TEX26: variants seen among roughly 807,000 people sequenced by gnomAD.
TEX26 encodes testis expressed 26.
In TEX26, 34 loss-of-function variants were observed where a neutral mutation model predicts 35.3. The observed-to-expected ratio is 0.96, with a 90% CI of 0.73 to 1.28. The LOEUF is 1.28. Among genes scored for constraint, TEX26 ranks in the 50% most tolerant of loss-of-function variants. The pLI, the probability that TEX26 is intolerant of heterozygous loss-of-function variation, is 0.00. For synonymous variants in TEX26, 136 were observed against 111.8 expected, an observed-to-expected ratio of 1.22 and a Z score of -1.36; for missense variants, 371 against 330.1, an observed-to-expected ratio of 1.12 and a Z score of -0.96.
At chr13:30,934,676 G>C (rs1158877411) in intron 1 of TEX26, among the ~76,000 whole-genome samples, 6 of 152,160 alleles carry the variant, frequency 3.9e-5, no homozygotes, top group Non-Finnish European at 2.9e-5. Flanking sequence ...AGCACAGCTG[G>C]GGCTGCAACA....
intron 5 of TEX26, among the ~76,000 whole-genome samples, chr13:30,967,875 C>A (rs1335467309): frequency 6.6e-6 from 1 of 152,308 alleles, no homozygotes; most frequent in Non-Finnish European, 1.5e-5. Context: ...GGACAATGAG[C>A]GATGACTGTA....
intron 4 of TEX26, among the ~76,000 whole-genome samples, chr13:30,963,304 G>A (rs7321407): frequency 1.3e-5 from 2 of 151,968 alleles, no homozygotes; most frequent in African/African-American, 4.8e-5. Flanking sequence ...AGGAACCCTG[G>A]GGGGAGGCGT....
intron 2 of TEX26, among the ~76,000 whole-genome samples, chr13:30,943,938 G>A (rs1045902978): frequency 6.6e-6 from 1 of 151,860 alleles, no homozygotes; most frequent in Admixed American, 6.6e-5. Flanking sequence ...CAGTATTCCT[G>A]GTTTTGGGTA....
chr13:30,974,131 AATATAT>A (rs1555271791), intron 6 of TEX26, among the ~76,000 whole-genome samples: 1 of 84,418 alleles, frequency 1.2e-5, no homozygotes, highest in South Asian at 4.8e-4. Context: ...AAAAAAAAAA[AATATAT>A]ATATATATAT....
At chr13:30,966,644 G>T (rs774882645) in intron 5 of TEX26, among the ~76,000 whole-genome samples, 2 of 151,966 alleles carry the variant, frequency 1.3e-5, no homozygotes, top group Non-Finnish European at 2.9e-5. Context: ...TTGCCATGTT[G>T]GCCAGGCTGG....
chr13:30,941,264 A>G (rs1459638142), intron 2 of TEX26, among the ~76,000 whole-genome samples: 2 of 152,212 alleles, frequency 1.3e-5, no homozygotes, highest in Non-Finnish European at 2.9e-5. Context: ...GTACAAGGCT[A>G]CAAGATTCCA....
At chr13:30,964,668 T>C (rs957622444) in intron 4 of TEX26, among the ~76,000 whole-genome samples, 1 of 152,122 alleles carries the variant, frequency 6.6e-6, no homozygotes, top group African/African-American at 2.4e-5. Flanking sequence ...TATGATGAAA[T>C]AAATTTATTT....
At chr13:30,955,956 G>A (rs572461156) in intron 3 of TEX26, among the ~76,000 whole-genome samples, 2 of 152,024 alleles carry the variant, frequency 1.3e-5, no homozygotes, top group Non-Finnish European at 2.9e-5. Context: ...TGGGAAAGAG[G>A]GACGATGGCA....
intron 1 of TEX26, among the ~76,000 whole-genome samples, chr13:30,938,267 A>G (rs2872194): frequency 0.36 from 55,049 of 152,012 alleles, 10,109 homozygotes; most frequent in East Asian, 0.45. Context: ...GACAATGGGA[A>G]GTTGGGGCAA....
Position 30,968,927 on chromosome 13 carries a change from C to T in TEX26, c.689C>T (p.Thr230Ile), listed in dbSNP as rs1239303366. Residue 230 changes from threonine to isoleucine, a missense_variant, in exon 6 of 7, where the codon ACA becomes ATA. Coordinates refer to ENST00000380473, the MANE Select transcript of TEX26 (RefSeq NM_152325.3). ...LHSYLRNQEHTKKQTTYQSDY... is the reference protein window; with the variant it reads ...LHSYLRNQEHIKKQTTYQSDY... ...AGCTACCTGAGGAACCAAGAGCACA[C>T]AAAGAAACAGACCACATACCAAAGT... 1 of 1,614,082 alleles carries T rather than the reference C, an allele frequency of 6.2e-7. No individual in the cohort carries two copies. Among genetic ancestry groups the T allele is most frequent in the South Asian group, 1.1e-5 (1 of 91,068 alleles).
intron 3 of TEX26, among the ~76,000 whole-genome samples, chr13:30,955,209 T>C (rs1954082391): frequency 6.6e-6 from 1 of 152,210 alleles, no homozygotes; most frequent in East Asian, 1.9e-4. Flanking sequence ...CTCATAATGT[T>C]TTAAATAAGT....
chr13:30,932,855 G>C, intron 1 of TEX26, 79 bp downstream of exon 1: 1 of 1,499,948 alleles, frequency 6.7e-7, no homozygotes, highest in South Asian at 1.2e-5. Context: ...AGAAAAAGGG[G>C]CCTTAGTATT....
chr13:30,954,850 A>G (rs1954067283), intron 3 of TEX26, among the ~76,000 whole-genome samples: 1 of 152,216 alleles, frequency 6.6e-6, no homozygotes, highest in African/African-American at 2.4e-5. Flanking sequence ...ATTCACAAAC[A>G]CACGACCATA....
intron 1 of TEX26, 199 bp downstream of exon 1, chr13:30,932,975 C>T (rs1273297414): frequency 1.7e-5 from 9 of 526,438 alleles, no homozygotes; most frequent in Non-Finnish European, 2.9e-5. Flanking sequence ...CTTCGCATAA[C>T]CTTTGCCAAA....
chr13:30,952,692 A>G lies in TEX26; in HGVS notation c.179A>G (p.Tyr60Cys). Residue 60 changes from tyrosine (Y) to cysteine (C), a missense_variant, in exon 3 of 7, where the codon TAT (tyrosine) becomes TGT (cysteine). Tyr to Cys is a radical substitution (Grantham distance 194, BLOSUM62 -2). Coordinates refer to ENST00000380473, the MANE Select transcript of TEX26 (RefSeq NM_152325.3). Reference sequence around the variant, plus strand: ...GGTATCAGAAGATTAGGATATACATATTCACTTAGTGATCCTATTCTCAAT... The same window carrying G: ...GGTATCAGAAGATTAGGATATACATGTTCACTTAGTGATCCTATTCTCAAT... ...QNGIRRLGYTYSLSDPILNQT... is the reference protein window; with the variant it reads ...QNGIRRLGYTCSLSDPILNQT... 6.2e-7 allele frequency: 1 copy of G among 1,608,000 alleles called. No homozygotes were observed. Among genetic ancestry groups the G allele is most frequent in the Non-Finnish European group, 8.5e-7 (1 of 1,177,832 alleles).
At chr13:30,946,389 C>T (rs374759917) in intron 2 of TEX26, among the ~76,000 whole-genome samples, 5 of 151,644 alleles carry the variant, frequency 3.3e-5, no homozygotes, top group South Asian at 2.1e-4. Context: ...CACCTTCTTC[C>T]GGTATCTCTC....
intron 3 of TEX26, among the ~76,000 whole-genome samples, chr13:30,955,757 T>C (rs1222269608): frequency 1.3e-5 from 2 of 152,212 alleles, no homozygotes; most frequent in African/African-American, 4.8e-5. Context: ...AGCGATTTGC[T>C]GGAGTAGACT....
intron 6 of TEX26, among the ~76,000 whole-genome samples, chr13:30,970,355 T>C (rs972882148): frequency 1.3e-5 from 2 of 152,144 alleles, no homozygotes; most frequent in Non-Finnish European, 2.9e-5. Flanking sequence ...ATACATTTTC[T>C]GTTGAGATAA....
At chr13:30,936,852 G>A (rs1953292002) in intron 1 of TEX26, 1 of 985,402 alleles carries the variant, frequency 1.0e-6, no homozygotes, top group Non-Finnish European at 1.2e-6. Flanking sequence ...GACTTGCAGA[G>A]AACATACTAG....
Sources: allele counts gnomAD v4.1 joint callset (sites outside exome capture counted in the v4.1 genomes callset), GRCh38; gene constraint gnomAD v4.1.1; transcripts MANE v1.5; gene names NCBI Gene and HGNC (gene_info 2026-07-23, HGNC 2026-07-21).